The following PDE3A variants were observed in gnomAD, a reference collection of about 807,000 sequenced individuals.
The protein encoded by PDE3A is phosphodiesterase 3A.
A neutral mutation model predicts 98.3 loss-of-function variants in PDE3A; 43 were observed. That is an observed-to-expected ratio of 0.44 (90% CI 0.34 to 0.56). The LOEUF is 0.56. Ranked by LOEUF, PDE3A falls within the 20% of genes least tolerant of loss-of-function variation. The pLI is 0.01. For missense variants in PDE3A, 1,427 were observed against 1,440.7 expected, an observed-to-expected ratio of 0.99 and a Z score of 0.15; for synonymous variants, 663 against 567.9, an observed-to-expected ratio of 1.17 and a Z score of -2.38.
In PDE3A at chr12:20,569,277, T is replaced by C. The variant is rs113813604; in HGVS notation, c.1011+12567T>C. Among the ~76,000 whole-genome samples, 405 of 152,214 alleles carry C rather than the reference T, an allele frequency of 2.7e-3. 3 individuals are homozygous for C. Among genetic ancestry groups the C allele is most frequent in the Middle Eastern group, 0.01 (3 of 294 alleles). On this transcript the variant is annotated intron_variant, in intron 2 of 15. Transcript: ENST00000359062. ...AGCTTCATTTAGAGAAACTATGAAA[T>C]TGGAAAACTGATATTATGTATTGCT... is the stretch of plus-strand genomic sequence containing the variant.
intron 2 of PDE3A, among the ~76,000 whole-genome samples, chr12:20,559,059 C>T (rs1265304422): frequency 6.6e-5 from 10 of 152,168 alleles, no homozygotes; most frequent in East Asian, 1.9e-4. Context: ...ATCTGATAGA[C>T]GCAACATTAC....
In PDE3A at chr12:20,635,072, T is replaced by C. The variant is rs1291429211; in HGVS notation, c.2001+16T>C. The C allele has an allele frequency of 3.1e-6, 5 of 1,597,982 alleles. No homozygotes were observed. Among genetic ancestry groups the C allele is most frequent in the African/African-American group, 1.4e-5 (1 of 74,054 alleles). On this transcript the variant is annotated intron_variant, in intron 8 of 15. Coordinates refer to ENST00000359062, the MANE Select transcript of PDE3A (RefSeq NM_000921.5). ...GATGTTTCTGGTAGTCCCATATCAC[T>C]TAACTCACTCATTTACTTGAGAGAT...
At chr12:20,409,676 C>T (rs1944299021) in intron 1 of PDE3A, among the ~76,000 whole-genome samples, 1 of 152,054 alleles carries the variant, frequency 6.6e-6, no homozygotes, top group South Asian at 2.1e-4. Flanking sequence ...TTTTAATAGT[C>T]TTTCTGTTAC....
intron 1 of PDE3A, among the ~76,000 whole-genome samples, chr12:20,549,983 C>T (rs1364775535): frequency 6.6e-6 from 1 of 152,124 alleles, no homozygotes; most frequent in Admixed American, 6.5e-5. Flanking sequence ...AATTAGTCTA[C>T]ATTTTGAGTG....
chr12:20,548,273 A>T (rs946241114), intron 1 of PDE3A, among the ~76,000 whole-genome samples: 3 of 152,104 alleles, frequency 2.0e-5, no homozygotes, highest in Non-Finnish European at 4.4e-5. Context: ...AATTTTTTTT[A>T]GAGAATTTCT....
At chr12:20,597,580 T>C (rs1943496685) in intron 2 of PDE3A, among the ~76,000 whole-genome samples, 1 of 152,172 alleles carries the variant, frequency 6.6e-6, no homozygotes, top group Non-Finnish European at 1.5e-5. Context: ...TTTCAAAGTT[T>C]GGAAAAGAAC....
Position 20,476,327 on chromosome 12 carries a change from T to C in PDE3A, c.961-80333T>C, listed in dbSNP as rs577655283. 2.0e-5 allele frequency among the ~76,000 whole-genome samples: 3 copies of C among 152,326 alleles called. No individual in the cohort carries two copies. The East Asian group carries it at 5.8e-4, about 29-fold the overall frequency. ...AGTGGCAAAAAGGAGACATCAGATA[T>C]TTATGTTGTTCTACATAATATTTGA... On this transcript the variant is annotated intron_variant, in intron 1 of 15. Coordinates refer to ENST00000359062, the MANE Select transcript of PDE3A (RefSeq NM_000921.5).
intron 15 of PDE3A, among the ~76,000 whole-genome samples, chr12:20,659,771 T>G (rs1945119597): frequency 6.6e-6 from 1 of 152,192 alleles, no homozygotes; most frequent in East Asian, 1.9e-4. Context: ...CAGTCTCAAT[T>G]AGATCAGCAT....
intron 2 of PDE3A, among the ~76,000 whole-genome samples, chr12:20,581,700 C>T (rs1943071373): frequency 6.7e-6 from 1 of 150,282 alleles, no homozygotes; most frequent in South Asian, 2.1e-4. Context: ...GCAAGCTCCG[C>T]CTCCCGGGTT....
At chr12:20,565,877 C>A (rs1327759208) in intron 2 of PDE3A, among the ~76,000 whole-genome samples, 2 of 151,826 alleles carry the variant, frequency 1.3e-5, no homozygotes, top group Non-Finnish European at 2.9e-5. Context: ...CTCTAGGGAA[C>A]AAACTAAAAT....
intron 1 of PDE3A, among the ~76,000 whole-genome samples, chr12:20,529,224 G>A (rs1458714820): frequency 6.6e-6 from 1 of 152,106 alleles, no homozygotes; most frequent in East Asian, 1.9e-4. Context: ...TCCTCACCAA[G>A]TTCTTTCATT....
intron 1 of PDE3A, among the ~76,000 whole-genome samples, chr12:20,373,017 A>C (rs979901472): frequency 6.6e-6 from 1 of 152,100 alleles, no homozygotes; most frequent in Non-Finnish European, 1.5e-5. Flanking sequence ...AAACCAATTG[A>C]CAGATACATT....
At chr12:20,411,808 C>T (rs771850169) in intron 1 of PDE3A, among the ~76,000 whole-genome samples, 13 of 152,176 alleles carry the variant, frequency 8.5e-5, no homozygotes, top group Non-Finnish European at 1.5e-4. Context: ...ATGTCCCCGA[C>T]GTAGTCTATC....
chr12:20,548,725 C>A (rs1942123125), intron 1 of PDE3A, among the ~76,000 whole-genome samples: 1 of 152,060 alleles, frequency 6.6e-6, no homozygotes, highest in Admixed American at 6.6e-5. Flanking sequence ...AAGGAAAATT[C>A]CACAGTTTCT....
chr12:20,616,863 C>T (rs1413369340), intron 4 of PDE3A, among the ~76,000 whole-genome samples: 1 of 152,076 alleles, frequency 6.6e-6, no homozygotes, highest in Non-Finnish European at 1.5e-5. Context: ...TATGTTCAAA[C>T]ATTTGGTAAT....
At chr12:20,514,342 A>G (rs1004668999) in intron 1 of PDE3A, among the ~76,000 whole-genome samples, 2 of 152,122 alleles carry the variant, frequency 1.3e-5, no homozygotes, top group Non-Finnish European at 2.9e-5. Flanking sequence ...CTTTTTATAA[A>G]CTGTACAGGA....
intron 1 of PDE3A, among the ~76,000 whole-genome samples, chr12:20,440,966 GAATAA>G (rs1944861393): frequency 6.6e-6 from 1 of 152,090 alleles, no homozygotes. Context: ...TCTGACACAT[GAATAA>G]AACATTATGT....
In PDE3A at chr12:20,386,744, C is replaced by G. The variant is rs138752876; in HGVS notation, c.960+16500C>G. Among the ~76,000 whole-genome samples the G allele has an allele frequency of 1.7e-3, 258 of 152,130 alleles. 1 individual carries two copies. The highest frequency in any genetic ancestry group is 5.9e-3 in the African/African-American group (247 of 41,526). On this transcript the variant is annotated intron_variant, in intron 1 of 15. Transcript: ENST00000359062. ...CCATTCTATAGGTTGTTTGTTCACT[C>G]TGATGATTGTTTTGCTATGGAGAAG...
At chr12:20,451,598 C>T (rs1037114665) in intron 1 of PDE3A, among the ~76,000 whole-genome samples, 9 of 152,200 alleles carry the variant, frequency 5.9e-5, no homozygotes, top group Non-Finnish European at 4.4e-5. Flanking sequence ...TAAGCAAGTA[C>T]ACCCAGCCTC....
Sources: allele counts gnomAD v4.1 joint callset (sites outside exome capture counted in the v4.1 genomes callset), GRCh38; gene constraint gnomAD v4.1.1; transcripts MANE v1.5; gene names NCBI Gene and HGNC (gene_info 2026-07-23, HGNC 2026-07-21).